The following PCDHA3 variants were observed in gnomAD, a reference collection of about 807,000 sequenced individuals.
The protein encoded by PCDHA3 is protocadherin alpha-3.
In PCDHA3, 41 loss-of-function variants were observed where a neutral mutation model predicts 62.2. That is an observed-to-expected ratio of 0.66 (90% CI 0.51 to 0.86). The LOEUF is 0.86. Ranked by LOEUF, PCDHA3 falls within the 40% of genes least tolerant of loss-of-function variation. The pLI is 0.00. For synonymous variants in PCDHA3, 640 were observed against 555.4 expected (o/e 1.15, Z -2.14); for missense variants, 1,304 against 1,241.2 (o/e 1.05, Z -0.76).
intron 1 of PCDHA3, chr5:140,804,431 G>T (rs1258659092): frequency 6.6e-6 from 1 of 151,840 alleles, no homozygotes; most frequent in African/African-American, 2.4e-5. Context: ...CATTTTAAAA[G>T]AATGTTTTAA....
chr5:140,981,924 C>T (rs2096957761), intron 2 of PCDHA3, among the ~76,000 whole-genome samples: 1 of 151,968 alleles, frequency 6.6e-6, no homozygotes, highest in African/African-American at 2.4e-5. Flanking sequence ...TCAAGTTTCT[C>T]TAGTCTCAGG....
At chr5:140,962,546 G>A (rs2095690873) in intron 1 of PCDHA3, among the ~76,000 whole-genome samples, 7 of 152,094 alleles carry the variant, frequency 4.6e-5, no homozygotes, top group Admixed American at 4.6e-4. Flanking sequence ...TAAAAATGTA[G>A]AGGATCTCCC....
intron 3 of PCDHA3, among the ~76,000 whole-genome samples, chr5:140,987,875 G>A (rs1293461683): frequency 6.6e-6 from 1 of 152,008 alleles, no homozygotes; most frequent in Non-Finnish European, 1.5e-5. Flanking sequence ...GTGGAAAATG[G>A]ACAGTTTATG....
At chr5:140,822,645 C>A in intron 1 of PCDHA3, 1 of 1,610,004 alleles carries the variant, frequency 6.2e-7, no homozygotes, top group Non-Finnish European at 8.5e-7. Flanking sequence ...ATGTAAAGTC[C>A]AAATTTATAA....
intron 1 of PCDHA3, among the ~76,000 whole-genome samples, chr5:140,955,006 C>G (rs1304080416): frequency 6.6e-6 from 1 of 152,154 alleles, no homozygotes; most frequent in African/African-American, 2.4e-5. Flanking sequence ...AGCCAATTCT[C>G]CCAGCACCAT....
At chr5:140,822,311 T>TA (rs1356931430) in intron 1 of PCDHA3, 2 of 1,614,072 alleles carry the variant, frequency 1.2e-6, no homozygotes, top group African/African-American at 2.7e-5. Flanking sequence ...TATTTTGACT[T>TA]AGATGTTAAA....
intron 1 of PCDHA3, among the ~76,000 whole-genome samples, chr5:140,908,828 A>C (rs1490004627): frequency 6.6e-6 from 1 of 152,176 alleles, no homozygotes; most frequent in Non-Finnish European, 1.5e-5. Context: ...GTTACTCGAT[A>C]AATGGGCTGG....
In PCDHA3 at chr5:140,849,253, A is replaced by G. The variant is rs2150433533; in HGVS notation, c.2394+45662A>G. 179 of 1,102,320 alleles carry G rather than the reference A, an allele frequency of 1.6e-4. 8 individuals carry two copies. Among genetic ancestry groups the G allele is most frequent in the Middle Eastern group, 1.5e-3 (5 of 3,306 alleles). The allele number at this position is 1,102,320 out of a possible 1,614,324, so 68.3% of individuals were successfully genotyped here. On this transcript the variant is annotated intron_variant, in intron 1 of 3. Coordinates refer to ENST00000522353, the MANE Select transcript of PCDHA3 (RefSeq NM_018906.3). ...ACCCTGTATACGGTGAAATTACCAG[A>G]AAACGTTTCTATCGGAACGCTGGTG...
intron 1 of PCDHA3, chr5:140,835,267 T>A (rs2150232922): frequency 8.1e-5 from 130 of 1,609,952 alleles, no homozygotes; most frequent in Non-Finnish European, 1.1e-4. Flanking sequence ...AAGTTCCACA[T>A]GGACCCCTTA....
At chr5:140,855,757 G>C (rs1242521250) in intron 1 of PCDHA3, 2 of 357,032 alleles carry the variant, frequency 5.6e-6, no homozygotes, top group African/African-American at 2.1e-5. Flanking sequence ...GGCTTTGAAA[G>C]TCCATAGACA....
At chr5:140,948,489 T>C (rs547481990) in intron 1 of PCDHA3, among the ~76,000 whole-genome samples, 6 of 151,790 alleles carry the variant, frequency 4.0e-5, no homozygotes, top group Admixed American at 3.3e-4. Context: ...TTCAATTTCT[T>C]TCATAGACTT....
At chr5:140,828,619 A>G in intron 1 of PCDHA3, 1 of 1,614,222 alleles carries the variant, frequency 6.2e-7, no homozygotes. Flanking sequence ...GTTCTAGCGA[A>G]TACTTCGGGC....
chr5:140,807,238 A>C, intron 1 of PCDHA3: 1 of 1,614,128 alleles, frequency 6.2e-7, no homozygotes, highest in African/African-American at 1.3e-5. Context: ...TGCTGCTCTT[A>C]CTTCTTCTCC....
chr5:140,864,177 A>G (rs2048351584), intron 1 of PCDHA3: 1 of 152,222 alleles, frequency 6.6e-6, no homozygotes, highest in Non-Finnish European at 1.5e-5. Context: ...AAGGATCATG[A>G]TGAATAATGA....
In PCDHA3 at chr5:140,846,169, C is replaced by A. The variant is rs2150385280; in HGVS notation, c.2394+42578C>A. On this transcript the variant is annotated intron_variant, in intron 1 of 3. Coordinates refer to ENST00000522353, the MANE Select transcript of PCDHA3 (RefSeq NM_018906.3). ...AAAGTTGCCTGAGATCCTGCAGAGG[C>A]CTGAGTAGGCGTTTGAGTTCTTTGT... Among the ~76,000 whole-genome samples the A allele has an allele frequency of 6.7e-5, 10 of 149,346 alleles. 2 individuals carry two copies. Among genetic ancestry groups the A allele is most frequent in the Admixed American group, 1.3e-4 (2 of 14,894 alleles).
intron 1 of PCDHA3, chr5:140,806,974 C>G (rs1470394159): frequency 1.6e-6 from 1 of 618,728 alleles, no homozygotes. Flanking sequence ...TTGCTACTTA[C>G]GGTTTGGAGC....
At chr5:140,942,147 T>C (rs2093240437) in intron 1 of PCDHA3, among the ~76,000 whole-genome samples, 1 of 152,236 alleles carries the variant, frequency 6.6e-6, no homozygotes, top group Non-Finnish European at 1.5e-5. Flanking sequence ...TTACTTGACA[T>C]AAAACAGCTT....
intron 1 of PCDHA3, chr5:140,829,893 C>T: frequency 6.2e-7 from 1 of 1,613,966 alleles, no homozygotes; most frequent in South Asian, 1.1e-5. Context: ...GACGCCGACT[C>T]AGGCTACAAC....
At chr5:140,848,405 C>A in intron 1 of PCDHA3, 12 of 1,329,950 alleles carry the variant, frequency 9.0e-6, no homozygotes, top group Non-Finnish European at 1.3e-5. Flanking sequence ...TGAACGATGG[C>A]GAACACAGCA....
Sources: allele counts gnomAD v4.1 joint callset (sites outside exome capture counted in the v4.1 genomes callset), GRCh38; gene constraint gnomAD v4.1.1; transcripts MANE v1.5; gene names NCBI Gene and HGNC (gene_info 2026-07-23, HGNC 2026-07-21).